Variants in ANKRD36 observed in about 807,000 individuals in gnomAD.
ANKRD36 encodes the protein ankyrin repeat domain-containing protein 36A.
In ANKRD36, 179 loss-of-function variants were observed where a neutral mutation model predicts 278.1. That is an observed-to-expected ratio of 0.64 (90% CI 0.57 to 0.73). ANKRD36 has a LOEUF of 0.73. Among genes scored for constraint, ANKRD36 ranks in the 30% least tolerant of loss-of-function variants. The probability of loss-of-function intolerance (pLI) is 0.00; values close to 1 mark genes in which losing one functional copy is unlikely to be tolerated. For synonymous variants in ANKRD36, 320 were observed against 641.1 expected, an observed-to-expected ratio of 0.50 and a Z score of 7.57; for missense variants, 1,159 against 1,956.7, an observed-to-expected ratio of 0.59 and a Z score of 7.69.
intron 44 of ANKRD36, among the ~76,000 whole-genome samples, chr2:97,199,680 G>T (rs1168747836): frequency 6.6e-6 from 1 of 151,884 alleles, no homozygotes; most frequent in African/African-American, 2.4e-5. Context: ...GGTGCCAAGA[G>T]TGGATGAAGA....
At chr2:97,152,055 C>G in intron 13 of ANKRD36, 116 bp downstream of exon 13, 2 of 864,532 alleles carry the variant, frequency 2.3e-6, no homozygotes, top group East Asian at 2.8e-5. Context: ...TGCAGTGGTG[C>G]GATCTTGGCT....
chr2:97,211,720 G>C lies in ANKRD36; in HGVS notation c.3448G>C (p.Asp1150His). ...TCCGAATATGGCCACGGAAAAAAAG[G>C]ATGAACAAATATCTGGGACAGGTAA... ...SVPNMATEKK[D>H]EQISGTVSCQ... The change falls in exon 58 of 76, where the codon GAT (aspartate) becomes CAT (histidine). Residue 1150 changes from aspartate (D) to histidine (H), a missense_variant. By Grantham distance (81) the Asp-to-His change is moderately conservative. Coordinates refer to ENST00000420699, the MANE Select transcript of ANKRD36 (RefSeq NM_001354587.1). 2 of 1,587,350 alleles carry C rather than the reference G, an allele frequency of 1.3e-6. No homozygotes were observed. The highest frequency in any genetic ancestry group is 2.4e-5 in the East Asian group (1 of 42,352).
At chr2:97,237,409 T>C (rs1323551937) in intron 68 of ANKRD36, among the ~76,000 whole-genome samples, 7 of 151,550 alleles carry the variant, frequency 4.6e-5, no homozygotes, top group Non-Finnish European at 1.0e-4. Flanking sequence ...AAATGTACAA[T>C]GATGTGTATC....
intron 56 of ANKRD36, among the ~76,000 whole-genome samples, chr2:97,211,056 G>C (rs1356768288): frequency 6.6e-6 from 1 of 151,874 alleles, no homozygotes; most frequent in African/African-American, 2.4e-5. Flanking sequence ...GAGATGTGAA[G>C]TGTACGTTCC....
Position 97,170,754 on chromosome 2 carries a change from A to G in ANKRD36, c.1633+2987A>G, listed in dbSNP as rs539417775. Among the ~76,000 whole-genome samples, 7 of 152,076 alleles carry G rather than the reference A, an allele frequency of 4.6e-5. No individual in the cohort carries two copies. In the East Asian group the frequency reaches 1.4e-3, roughly 29 times the overall value. ...GCACAGCAAAAGAAACTACCATCAG[A>G]GTGAACAGGCAATACAAAATGGGAG... On this transcript the variant is annotated intron_variant, in intron 22 of 75. Coordinates refer to ENST00000420699, the MANE Select transcript of ANKRD36 (RefSeq NM_001354587.1).
chr2:97,160,674 TTAG>T (rs2048641719), intron 17 of ANKRD36, among the ~76,000 whole-genome samples: 1 of 152,074 alleles, frequency 6.6e-6, no homozygotes, highest in Non-Finnish European at 1.5e-5. Context: ...ATTAGAGCTA[TTAG>T]TATATCATTT....
intron 42 of ANKRD36, among the ~76,000 whole-genome samples, 174 bp downstream of exon 42, chr2:97,196,962 G>C (rs1215738824): frequency 2.6e-5 from 4 of 151,920 alleles, no homozygotes; most frequent in African/African-American, 9.7e-5. Context: ...TCTGGAACAT[G>C]ATCTTCGCCG....
chr2:97,157,878 T>C (rs2047875796), intron 15 of ANKRD36, among the ~76,000 whole-genome samples: 1 of 151,882 alleles, frequency 6.6e-6, no homozygotes, highest in East Asian at 2.0e-4. Context: ...ATTTGTATAA[T>C]AACTCAACTG....
At chr2:97,178,142 C>T (rs1187008968) in intron 22 of ANKRD36, among the ~76,000 whole-genome samples, 2 of 150,816 alleles carry the variant, frequency 1.3e-5, no homozygotes, top group Non-Finnish European at 3.0e-5. Context: ...CATCTCACAC[C>T]AGTTAGAATG....
chr2:97,206,211 G>A, intron 52 of ANKRD36, 76 bp downstream of exon 52: 1 of 1,400,180 alleles, frequency 7.1e-7, no homozygotes, highest in Non-Finnish European at 9.6e-7. Flanking sequence ...TAAATCAGCG[G>A]GGGGCTCATC....
Position 97,185,299 on chromosome 2 carries a change from T to C in ANKRD36, c.1940-17T>C, listed in dbSNP as rs531500650. 44 of 1,594,134 alleles carry C rather than the reference T, an allele frequency of 2.8e-5. No homozygotes were observed. In the South Asian group the frequency reaches 4.6e-4, roughly 17 times the overall value. ...ATATTTACATATGAGTGATTATGTA[T>C]CCCTTTTGCTTTTCAGTGTCTTCTC... On this transcript the variant is annotated splice_polypyrimidine_tract_variant and intron_variant, in intron 28 of 75. Transcript: ENST00000420699.
In ANKRD36 at chr2:97,149,374, CT is replaced by C. The variant is rs1344945998; in HGVS notation, c.1101+15del. ...TTTGGAATCTGAGGTAGAGTACTCT[CT>C]TGTGAAATTAATTTTCTCCCTCTGA... On this transcript the variant is annotated intron_variant, in intron 12 of 75. Coordinates refer to ENST00000420699, the MANE Select transcript of ANKRD36 (RefSeq NM_001354587.1). 1 of 1,510,694 alleles carries C rather than the reference CT, an allele frequency of 6.6e-7. No individual in the cohort carries two copies. Among genetic ancestry groups the C allele is most frequent in the Non-Finnish European group, 8.8e-7 (1 of 1,136,376 alleles). The allele number at this position is 1,510,694 out of a possible 1,614,324, so 93.6% of individuals were successfully genotyped here. A position where few individuals can be genotyped will look rare whatever the true frequency, so the allele number is the denominator to read the frequency against.
chr2:97,218,161 T>G (rs1393468135), intron 64 of ANKRD36, among the ~76,000 whole-genome samples: 14 of 150,120 alleles, frequency 9.3e-5, no homozygotes, highest in African/African-American at 3.4e-4. Flanking sequence ...AAAATAGCTA[T>G]TTAATGAAAA....
At chr2:97,124,730 T>A in intron 5 of ANKRD36, 133 bp downstream of exon 5, 1 of 1,166,194 alleles carries the variant, frequency 8.6e-7, no homozygotes, top group East Asian at 2.8e-5. Flanking sequence ...TTTTCAAGTT[T>A]TTAAGTTTTC....
chr2:97,113,537 CTGT>C lies in ANKRD36; in HGVS notation c.-200_-198del, dbSNP rs2034157493. 2 of 629,392 alleles carry C rather than the reference CTGT, an allele frequency of 3.2e-6. No individual in the cohort carries two copies. Among genetic ancestry groups the C allele is most frequent in the Non-Finnish European group, 5.4e-6 (2 of 372,480 alleles). 39.0% of individuals were successfully genotyped at this position (629,392 alleles called of 1,614,324 possible). A position where few individuals can be genotyped will look rare whatever the true frequency, so the allele number is the denominator to read the frequency against. ...CTAGGGCGGTTTCTCTGCCTCGGGC[CTGT>C]TGGGCAGGGCCGGCTAAGGTGCGCG... On this transcript the variant is annotated 5_prime_UTR_variant, in exon 1 of 76. Transcript: ENST00000420699.
At chr2:97,242,339 G>A (rs921179000) in intron 69 of ANKRD36, among the ~76,000 whole-genome samples, 7 of 151,964 alleles carry the variant, frequency 4.6e-5, no homozygotes, top group African/African-American at 1.4e-4. Flanking sequence ...TGCAGGGAAT[G>A]AAAAGTAAAA....
intron 46 of ANKRD36, among the ~76,000 whole-genome samples, chr2:97,201,761 G>T (rs2061435984): frequency 6.6e-6 from 1 of 151,880 alleles, no homozygotes; most frequent in South Asian, 2.1e-4. Flanking sequence ...CTCAGTTATT[G>T]GGCATGTTAA....
chr2:97,194,268 G>A (rs962271692), intron 38 of ANKRD36, among the ~76,000 whole-genome samples: 7 of 151,654 alleles, frequency 4.6e-5, no homozygotes, highest in African/African-American at 1.7e-4. Flanking sequence ...TCGTAATTGT[G>A]TGCCTTCTCA....
intron 50 of ANKRD36, 131 bp downstream of exon 50, chr2:97,204,394 A>G (rs962113690): frequency 9.4e-5 from 113 of 1,208,404 alleles, no homozygotes; most frequent in Middle Eastern, 9.1e-4. Flanking sequence ...TCTTCATTTC[A>G]AATAAGTTCT....
Sources: allele counts gnomAD v4.1 joint callset (sites outside exome capture counted in the v4.1 genomes callset), GRCh38; gene constraint gnomAD v4.1.1; transcripts MANE v1.5; gene names NCBI Gene and HGNC (gene_info 2026-07-23, HGNC 2026-07-21).